DCC: variants seen among roughly 807,000 people sequenced by gnomAD.
The protein encoded by DCC is netrin receptor DCC.
Under a neutral mutation model 172.5 loss-of-function variants are expected in DCC, and 58 were observed. The observed-to-expected ratio is 0.34, with a 90% confidence interval of 0.27 to 0.42. The LOEUF (loss-of-function observed/expected upper bound fraction) is 0.42, where lower values mean the gene tolerates loss of function less well. Among genes scored for constraint, DCC ranks in the 10% least tolerant of loss-of-function variants. DCC has a pLI of 1.00. For missense variants in DCC, 1,740 were observed against 1,791.0 expected, an observed-to-expected ratio of 0.97 and a Z score of 0.51; for synonymous variants, 709 against 644.5, an observed-to-expected ratio of 1.10 and a Z score of -1.52.
intron 1 of DCC, among the ~76,000 whole-genome samples, chr18:52,499,423 G>T (rs1469114742): frequency 6.6e-6 from 1 of 152,152 alleles, no homozygotes; most frequent in African/African-American, 2.4e-5. Context: ...TGAAGAGCCA[G>T]TCCTCTGTAG....
At chr18:52,927,093 A>ATACG (rs2040221960) in intron 5 of DCC, among the ~76,000 whole-genome samples, 2 of 113,334 alleles carry the variant, frequency 1.8e-5, no homozygotes, top group Non-Finnish European at 3.8e-5. Context: ...ATACACGTAT[A>ATACG]TACGTGTATA....
intron 5 of DCC, among the ~76,000 whole-genome samples, chr18:52,974,608 T>C (rs1348257042): frequency 1.3e-5 from 2 of 152,214 alleles, no homozygotes; most frequent in African/African-American, 4.8e-5. Flanking sequence ...TCTGAGAATA[T>C]ATGAGAATAA....
In DCC at chr18:53,513,099, T is replaced by TAACA. The variant is rs560958825; in HGVS notation, c.4112-13517_4112-13514dup. 2.2e-3 allele frequency among the ~76,000 whole-genome samples: 328 copies of TAACA among 152,336 alleles called. 1 individual carries two copies. The highest frequency in any genetic ancestry group is 7.6e-3 in the African/African-American group (315 of 41,560). On this transcript the variant is annotated intron_variant, in intron 27 of 28. Transcript: ENST00000442544. ...ACCCTCAAAGGGAAGCCCATCGGAC[T>TAACA]AACAGCTGATCTCTCAGCAGAAATC...
At chr18:53,463,471 A>T (rs141163349) in intron 24 of DCC, among the ~76,000 whole-genome samples, 1 of 152,286 alleles carries the variant, frequency 6.6e-6, no homozygotes, top group African/African-American at 2.4e-5. Context: ...AACAAAATTC[A>T]ACATAAGTGA....
rs768679638 is a variant in DCC at position 53,416,365 on chromosome 18, GT to G, written c.3163+213del. ...ATGTAAATTTTCTTGAGAGGAAATT[GT>G]TTTGTCTCCATTCTGAAGGACCAAT... is the stretch of plus-strand genomic sequence containing the variant. On this transcript the variant is annotated intron_variant, in intron 21 of 28. Coordinates refer to ENST00000442544, the MANE Select transcript of DCC (RefSeq NM_005215.4). 42 of 694,812 alleles carry G rather than the reference GT, an allele frequency of 6.0e-5. 1 individual carries two copies. Among genetic ancestry groups the G allele is most frequent in the Non-Finnish European group, 1.0e-4 (39 of 379,424 alleles). 43.0% of individuals were successfully genotyped at this position (694,812 alleles called of 1,614,324 possible). A position where few individuals can be genotyped will look rare whatever the true frequency, so the allele number is the denominator to read the frequency against.
At chr18:53,341,927 G>T (rs933948197) in intron 15 of DCC, among the ~76,000 whole-genome samples, 18 of 152,052 alleles carry the variant, frequency 1.2e-4, no homozygotes, top group African/African-American at 4.3e-4. Flanking sequence ...GTTTTTGGAA[G>T]GCAAAGCTCT....
At chr18:53,314,876 G>A (rs1248649489) in intron 13 of DCC, among the ~76,000 whole-genome samples, 1 of 152,128 alleles carries the variant, frequency 6.6e-6, no homozygotes, top group Non-Finnish European at 1.5e-5. Context: ...ATGGTTGGAA[G>A]GGATACTCTG....
At chr18:52,876,568 C>G (rs1011646621) in intron 2 of DCC, among the ~76,000 whole-genome samples, 1 of 152,156 alleles carries the variant, frequency 6.6e-6, no homozygotes, top group Non-Finnish European at 1.5e-5. Flanking sequence ...TTTATAGTGA[C>G]AATTTCCATA....
intron 1 of DCC, among the ~76,000 whole-genome samples, chr18:52,735,706 G>C (rs2036717125): frequency 6.6e-6 from 1 of 152,096 alleles, no homozygotes; most frequent in South Asian, 2.1e-4. Context: ...GAGGCTGGAA[G>C]ACTCCATCTT....
intron 19 of DCC, among the ~76,000 whole-genome samples, chr18:53,409,641 T>C (rs1245346746): frequency 1.3e-5 from 2 of 152,154 alleles, no homozygotes; most frequent in Non-Finnish European, 2.9e-5. Context: ...CAGGAATCCA[T>C]GAATTTGTTC....
intron 26 of DCC, among the ~76,000 whole-genome samples, chr18:53,489,781 C>T (rs950560753): frequency 7.2e-5 from 11 of 152,158 alleles, no homozygotes; most frequent in Non-Finnish European, 1.0e-4. Context: ...TACATGTATT[C>T]GCTGACCTAT....
chr18:52,714,969 T>C (rs2036354306), intron 1 of DCC, among the ~76,000 whole-genome samples: 1 of 152,198 alleles, frequency 6.6e-6, no homozygotes, highest in Non-Finnish European at 1.5e-5. Flanking sequence ...ATTGAATTCC[T>C]TATTCCATCT....
chr18:52,897,698 C>T (rs551652988), intron 2 of DCC, among the ~76,000 whole-genome samples: 29 of 137,456 alleles, frequency 2.1e-4, no homozygotes, highest in Non-Finnish European at 3.3e-4. Flanking sequence ...CATGTGATTG[C>T]TTCTTATAAG....
At chr18:52,450,719 G>A (rs1221192253) in intron 1 of DCC, among the ~76,000 whole-genome samples, 2 of 152,114 alleles carry the variant, frequency 1.3e-5, no homozygotes, top group African/African-American at 2.4e-5. Flanking sequence ...CTAGCTTATT[G>A]TTGAAATGTA....
intron 5 of DCC, among the ~76,000 whole-genome samples, chr18:52,935,572 CTTTAA>C (rs1244293448): frequency 2.0e-5 from 3 of 151,838 alleles, no homozygotes; most frequent in Non-Finnish European, 4.4e-5. Flanking sequence ...TTTGCATAGG[CTTTAA>C]TTTTATTTTT....
chr18:53,326,877 A>T (rs1316072021), intron 14 of DCC, among the ~76,000 whole-genome samples: 1 of 152,186 alleles, frequency 6.6e-6, no homozygotes, highest in Non-Finnish European at 1.5e-5. Context: ...GTAGCTGAAG[A>T]TATCTGTGTT....
At chr18:53,223,212 C>T (rs996483805) in intron 12 of DCC, among the ~76,000 whole-genome samples, 4 of 152,040 alleles carry the variant, frequency 2.6e-5, no homozygotes, top group African/African-American at 9.7e-5. Flanking sequence ...ATTTCATATA[C>T]ATAAAATACA....
At chr18:53,451,888 G>A (rs2045419566) in intron 23 of DCC, among the ~76,000 whole-genome samples, 3 of 151,994 alleles carry the variant, frequency 2.0e-5, no homozygotes, top group Non-Finnish European at 1.5e-5. Flanking sequence ...GTAGATGCAG[G>A]CTTTGTATTT....
intron 1 of DCC, among the ~76,000 whole-genome samples, chr18:52,604,797 A>T (rs1039443070): frequency 1.3e-5 from 2 of 151,932 alleles, no homozygotes; most frequent in Non-Finnish European, 1.5e-5. Flanking sequence ...GCTTGATTAC[A>T]TTTTATGCAG....
Sources: allele counts gnomAD v4.1 joint callset (sites outside exome capture counted in the v4.1 genomes callset), GRCh38; gene constraint gnomAD v4.1.1; transcripts MANE v1.5; gene names NCBI Gene and HGNC (gene_info 2026-07-23, HGNC 2026-07-21).